KIAA1328: variants seen among roughly 807,000 people sequenced by gnomAD.
KIAA1328 encodes the protein protein hinderin.
A neutral mutation model predicts 68.1 loss-of-function variants in KIAA1328; 52 were observed. The ratio of observed to expected loss-of-function variants is 0.76; its 90% confidence interval spans 0.61 to 0.96. The LOEUF (loss-of-function observed/expected upper bound fraction) is 0.96. Ranked by LOEUF, KIAA1328 falls within the 40% of genes least tolerant of loss-of-function variation. The pLI is 0.00. For synonymous variants in KIAA1328, 232 were observed against 239.4 expected, an observed-to-expected ratio of 0.97 and a Z score of 0.28; for missense variants, 641 against 677.6, an observed-to-expected ratio of 0.95 and a Z score of 0.60.
chr18:37,218,627 G>T (rs777272679), intron 9 of KIAA1328, among the ~76,000 whole-genome samples: 1 of 152,150 alleles, frequency 6.6e-6, no homozygotes, highest in South Asian at 2.1e-4. Context: ...TTATGCATGC[G>T]TCACGTAGTT....
chr18:37,115,657 C>A (rs2058084846), intron 7 of KIAA1328, among the ~76,000 whole-genome samples: 1 of 152,186 alleles, frequency 6.6e-6, no homozygotes, highest in Non-Finnish European at 1.5e-5. Context: ...GTTGGAAGTT[C>A]TGGCCTGGGC....
At chr18:36,848,666 T>A (rs544628664) in intron 4 of KIAA1328, among the ~76,000 whole-genome samples, 3 of 150,452 alleles carry the variant, frequency 2.0e-5, no homozygotes, top group Admixed American at 6.6e-5. Context: ...CTTTCACCAT[T>A]ATGTACAATG....
chr18:36,870,288 T>A (rs1172598025), intron 4 of KIAA1328, among the ~76,000 whole-genome samples: 3 of 152,236 alleles, frequency 2.0e-5, no homozygotes, highest in African/African-American at 7.2e-5. Context: ...CAAGTAATAC[T>A]GAATTTGTTT....
intron 7 of KIAA1328, among the ~76,000 whole-genome samples, chr18:37,098,682 C>T (rs931836418): frequency 7.2e-5 from 11 of 152,056 alleles, no homozygotes; most frequent in African/African-American, 1.9e-4. Flanking sequence ...TGGTAGAATT[C>T]GGCTGTGAAT....
chr18:36,965,957 T>C (rs2051916382), intron 6 of KIAA1328, among the ~76,000 whole-genome samples: 1 of 149,532 alleles, frequency 6.7e-6, no homozygotes, highest in Non-Finnish European at 1.5e-5. Context: ...TGAGGCACAT[T>C]ATACTATTAA....
At chr18:36,965,928 CA>C (rs755504772) in intron 6 of KIAA1328, among the ~76,000 whole-genome samples, 2 of 149,710 alleles carry the variant, frequency 1.3e-5, no homozygotes, top group Non-Finnish European at 3.0e-5. Flanking sequence ...AAAAAAAAAC[CA>C]AAAAACTAAA....
intron 5 of KIAA1328, among the ~76,000 whole-genome samples, chr18:36,916,646 C>G (rs2049712759): frequency 6.6e-6 from 1 of 152,096 alleles, no homozygotes; most frequent in African/African-American, 2.4e-5. Flanking sequence ...CCATTTAATC[C>G]TTACATGTGG....
chr18:37,179,863 C>T (rs1207813051), intron 9 of KIAA1328, among the ~76,000 whole-genome samples: 1 of 152,056 alleles, frequency 6.6e-6, no homozygotes, highest in Non-Finnish European at 1.5e-5. Context: ...TCTTGATTCT[C>T]TGTGGGTTAT....
At chr18:37,156,980 G>C (rs1025587103) in intron 7 of KIAA1328, among the ~76,000 whole-genome samples, 4 of 152,028 alleles carry the variant, frequency 2.6e-5, no homozygotes, top group Non-Finnish European at 4.4e-5. Flanking sequence ...TGCATCTAAG[G>C]GGAAGGAAGA....
chr18:37,026,795 T>A (rs999405196), intron 6 of KIAA1328, among the ~76,000 whole-genome samples: 2 of 152,136 alleles, frequency 1.3e-5, no homozygotes, highest in Non-Finnish European at 2.9e-5. Flanking sequence ...CTGGAAGCAT[T>A]CCCTTTGAAA....
chr18:36,942,322 AT>A (rs2151190114), intron 5 of KIAA1328, among the ~76,000 whole-genome samples: 1 of 152,348 alleles, frequency 6.6e-6, no homozygotes, highest in Admixed American at 6.5e-5. Context: ...TTCCAAATAC[AT>A]CAAATGCACA....
intron 5 of KIAA1328, among the ~76,000 whole-genome samples, chr18:36,949,597 T>TCCCCCCCCCCC (rs71168248): frequency 9.4e-4 from 54 of 57,342 alleles, no homozygotes; most frequent in South Asian, 1.6e-3. Context: ...TCTACCCAGC[T>TCCCCCCCCCCC]CCCCCCCCCC....
intron 6 of KIAA1328, among the ~76,000 whole-genome samples, chr18:36,974,074 TG>T (rs1329695980): frequency 1.3e-5 from 2 of 152,326 alleles, no homozygotes; most frequent in Non-Finnish European, 2.9e-5. Flanking sequence ...TTTAGGTTTA[TG>T]GTCACCTTTT....
At chr18:36,953,995 C>CTGTTTTTTTTT (rs2051286446) in intron 5 of KIAA1328, among the ~76,000 whole-genome samples, 1 of 113,548 alleles carries the variant, frequency 8.8e-6, no homozygotes, top group Non-Finnish European at 1.7e-5. Context: ...CTGATTGTTT[C>CTGTTTTTTTTT]TTTTTTTTTT....
rs1311965976 is a variant in KIAA1328, at chr18:37,058,767, A to T, written c.577-8123A>T. ...AAATAAACAAGTAAAACTGAACTCT[A>T]GTATGGATGTTGAAGCACAAAAGGT... On this transcript the variant is annotated intron_variant, in intron 6 of 9. Coordinates refer to ENST00000280020, the MANE Select transcript of KIAA1328 (RefSeq NM_020776.3). Among the ~76,000 whole-genome samples, 3 of 152,102 alleles carry T rather than the reference A, an allele frequency of 2.0e-5. No individual in the cohort carries two copies. In the East Asian group the frequency reaches 5.8e-4, roughly 29 times the overall value.
chr18:37,177,099 G>C (rs1050650357), intron 9 of KIAA1328, among the ~76,000 whole-genome samples: 1 of 152,204 alleles, frequency 6.6e-6, no homozygotes, highest in Non-Finnish European at 1.5e-5. Context: ...GGCAGAATTT[G>C]CATTAATGTA....
At chr18:37,086,835 G>A (rs2057118960) in intron 7 of KIAA1328, among the ~76,000 whole-genome samples, 1 of 152,028 alleles carries the variant, frequency 6.6e-6, no homozygotes, top group Non-Finnish European at 1.5e-5. Flanking sequence ...CAACTATTAG[G>A]ACTTATCTTT....
At chr18:37,049,858 T>C (rs2055620595) in intron 6 of KIAA1328, among the ~76,000 whole-genome samples, 1 of 152,160 alleles carries the variant, frequency 6.6e-6, no homozygotes, top group Admixed American at 6.5e-5. Context: ...TTTCAGAGAG[T>C]TTATTTTCAC....
intron 5 of KIAA1328, among the ~76,000 whole-genome samples, chr18:36,901,075 C>G (rs191163229): frequency 1.7e-3 from 261 of 152,014 alleles, no homozygotes; most frequent in Middle Eastern, 3.4e-3. Context: ...ATATCATGTT[C>G]CTTATGAATA....
Sources: allele counts gnomAD v4.1 joint callset (sites outside exome capture counted in the v4.1 genomes callset), GRCh38; gene constraint gnomAD v4.1.1; transcripts MANE v1.5; gene names NCBI Gene and HGNC (gene_info 2026-07-23, HGNC 2026-07-21).